RIMS2: variants seen among roughly 807,000 people sequenced by gnomAD.
The protein encoded by RIMS2 is regulating synaptic membrane exocytosis protein 2.
RIMS2 carries 59 observed loss-of-function variants against 174.4 expected under a neutral mutation model. That is an observed-to-expected ratio of 0.34 (90% CI 0.27 to 0.42). The LOEUF is 0.42. Among genes scored for constraint, RIMS2 ranks in the 10% least tolerant of loss-of-function variants. RIMS2 has a pLI of 1.00. For missense variants in RIMS2, 1,620 were observed against 1,666.3 expected (o/e 0.97, Z 0.48); for synonymous variants, 606 against 572.5 (o/e 1.06, Z -0.84).
intron 13 of RIMS2, 47 bp downstream of exon 15, chr8:103,936,769 T>G (rs777811814): frequency 7.4e-7 from 1 of 1,350,640 alleles, no homozygotes; most frequent in Non-Finnish European, 1.0e-6. Context: ...TTATCCTGAA[T>G]ACTTTTATTT....
At chr8:104,026,629 G>A (rs141922231) in intron 19 of RIMS2, among the ~76,000 whole-genome samples, 1 of 125,324 alleles carries the variant, frequency 8.0e-6, no homozygotes, top group African/African-American at 3.3e-5. Flanking sequence ...AAGAAAGAAA[G>A]AAATGGAAAG....
At chr8:103,569,048 T>C (rs963372015) in intron 1 of RIMS2, 10 of 391,634 alleles carry the variant, frequency 2.6e-5, no homozygotes, top group Non-Finnish European at 4.6e-5. Context: ...TGATGTCCAA[T>C]TTATCTTTTT....
intron 19 of RIMS2, among the ~76,000 whole-genome samples, chr8:104,100,985 T>G (rs28452508): frequency 0.04 from 5,135 of 128,686 alleles, 337 homozygotes; most frequent in African/African-American, 0.15. Context: ...TATGATATAT[T>G]ATATAGTATA....
chr8:103,877,436 A>G (rs1218088491), intron 3 of RIMS2, among the ~76,000 whole-genome samples: 1 of 151,730 alleles, frequency 6.6e-6, no homozygotes, highest in Admixed American at 6.6e-5. Flanking sequence ...TTCCTTGTAG[A>G]TTCTGGTTAT....
At chr8:103,861,869 T>G (rs1385911923) in intron 3 of RIMS2, among the ~76,000 whole-genome samples, 2 of 152,198 alleles carry the variant, frequency 1.3e-5, no homozygotes, top group Admixed American at 1.3e-4. Flanking sequence ...TCCATGTAGA[T>G]TCTAGATATT....
chr8:104,015,508 T>C, intron 19 of RIMS2: 2 of 627,718 alleles, frequency 3.2e-6, no homozygotes, highest in South Asian at 1.9e-5. Context: ...TTTGGGGGGC[T>C]AGTAAGCAAA....
At chr8:103,772,103 A>T (rs1490211022) in intron 3 of RIMS2, among the ~76,000 whole-genome samples, 1 of 152,018 alleles carries the variant, frequency 6.6e-6, no homozygotes, top group Non-Finnish European at 1.5e-5. Flanking sequence ...TAAAAATAAT[A>T]TTCAAAATAT....
intron 1 of RIMS2, among the ~76,000 whole-genome samples, chr8:103,602,569 G>C (rs1312055255): frequency 2.0e-5 from 3 of 152,096 alleles, no homozygotes; most frequent in African/African-American, 7.2e-5. Context: ...TTGGCTTTCT[G>C]TTCTTGCATT....
At chr8:103,928,597 G>C (rs1037434104) in intron 11 of RIMS2, among the ~76,000 whole-genome samples, 3 of 150,774 alleles carry the variant, frequency 2.0e-5, no homozygotes, top group Non-Finnish European at 3.0e-5. Context: ...TCCTTGCTTT[G>C]CTGCATGTTG....
chr8:103,836,379 C>T (rs1287989613), intron 3 of RIMS2, among the ~76,000 whole-genome samples: 3 of 152,044 alleles, frequency 2.0e-5, no homozygotes, highest in Non-Finnish European at 4.4e-5. Context: ...GTGAGATCCC[C>T]TTCTTTACAA....
chr8:103,773,849 C>T (rs1034393400), intron 3 of RIMS2, among the ~76,000 whole-genome samples: 2 of 152,034 alleles, frequency 1.3e-5, no homozygotes, highest in African/African-American at 4.8e-5. Flanking sequence ...GGAATTTGAC[C>T]GCTAATATCT....
intron 1 of RIMS2, among the ~76,000 whole-genome samples, chr8:103,542,009 C>T (rs552375335): frequency 3.3e-5 from 5 of 151,816 alleles, no homozygotes; most frequent in East Asian, 3.9e-4. Flanking sequence ...CAAAGTAAGA[C>T]GGCTGGAGAA....
chr8:103,877,619 T>C (rs1420704897), intron 3 of RIMS2, among the ~76,000 whole-genome samples: 1 of 151,984 alleles, frequency 6.6e-6, no homozygotes, highest in Non-Finnish European at 1.5e-5. Context: ...TCCCATTCTG[T>C]TTTATTTACT....
At chr8:103,927,819 T>C (rs959907187) in intron 10 of RIMS2, 1 of 1,583,736 alleles carries the variant, frequency 6.3e-7, no homozygotes, top group African/African-American at 1.3e-5. Flanking sequence ...TTTATTGCTT[T>C]TTTCTTTAAT....
At chr8:103,738,036 A>G (rs373678268) in intron 2 of RIMS2, among the ~76,000 whole-genome samples, 30 of 152,298 alleles carry the variant, frequency 2.0e-4, no homozygotes, top group African/African-American at 6.5e-4. Context: ...TGTCTTCTTT[A>G]ATACTGTGTT....
chr8:103,787,207 G>A (rs1177064041), intron 3 of RIMS2, among the ~76,000 whole-genome samples: 2 of 148,270 alleles, frequency 1.3e-5, no homozygotes, highest in African/African-American at 2.5e-5. Context: ...CACACTGATG[G>A]GTCTTGACTC....
intron 4 of RIMS2, among the ~76,000 whole-genome samples, chr8:103,908,857 C>G (rs182157042): frequency 4.7e-4 from 71 of 152,268 alleles, no homozygotes; most frequent in African/African-American, 1.5e-3. Flanking sequence ...CACCATTTCA[C>G]TTAAAATCCT....
At chr8:103,983,338 A>T (rs571854524) in intron 16 of RIMS2, among the ~76,000 whole-genome samples, 23 of 152,340 alleles carry the variant, frequency 1.5e-4, no homozygotes, top group African/African-American at 5.3e-4. Context: ...AATTCTACAG[A>T]TTCAGTGCAA....
At chr8:103,539,695 ATTC>A (rs1208433921) in intron 1 of RIMS2, among the ~76,000 whole-genome samples, 1 of 152,136 alleles carries the variant, frequency 6.6e-6, no homozygotes, top group Non-Finnish European at 1.5e-5. Flanking sequence ...ACAGCTGTAT[ATTC>A]TTCTCCTGCC....
Sources: gnomAD v4.1 joint callset for allele counts (sites outside exome capture counted in the v4.1 genomes callset) on GRCh38, gnomAD v4.1.1 for gene constraint, MANE v1.5 for transcripts, NCBI Gene and HGNC (gene_info 2026-07-23, HGNC 2026-07-21) for gene names.